The following CCDC157 variants were observed in gnomAD, a reference collection of about 807,000 sequenced individuals.
CCDC157 encodes the protein coiled-coil domain containing 157, also known as coiled-coil domain-containing protein 157.
A neutral mutation model predicts 70.9 loss-of-function variants in CCDC157; 60 were observed. The observed-to-expected ratio is 0.85, with a 90% CI of 0.69 to 1.05. The LOEUF (loss-of-function observed/expected upper bound fraction) is 1.05. Ranked by LOEUF, CCDC157 falls within the 50% of genes least tolerant of loss-of-function variation. CCDC157 has a pLI of 0.00. For missense variants in CCDC157, 943 were observed against 984.2 expected, an observed-to-expected ratio of 0.96 and a Z score of 0.56; for synonymous variants, 373 against 422.4, an observed-to-expected ratio of 0.88 and a Z score of 1.43.
At chr22:30,362,214 T>C (rs1308173541) in intron 2 of CCDC157, 100 bp downstream of exon 2, 1 of 152,264 alleles carries the variant, frequency 6.6e-6, no homozygotes, top group East Asian at 1.9e-4. Flanking sequence ...TGGCCCTTAG[T>C]CCTCTCAGCC....
In CCDC157 at chr22:30,372,630, G is replaced by A. The variant is rs986297850; in HGVS notation, c.1335+344G>A. 1.7e-5 allele frequency: 4 copies of A among 232,126 alleles called. No individual in the cohort carries two copies. The South Asian group carries it at 4.4e-4, about 25-fold the overall frequency. The allele number at this position is 232,126 out of a possible 1,614,324, so 14.4% of individuals were successfully genotyped here. Reference sequence around the variant, plus strand: ...TCCAGAATGGCTTCTAGGAGGAGGTGGCCTTTGAGCTGGACGCCCATGACA... The same window carrying A: ...TCCAGAATGGCTTCTAGGAGGAGGTAGCCTTTGAGCTGGACGCCCATGACA... On this transcript the variant is annotated intron_variant, in intron 7 of 11. Transcript: ENST00000338306.
upstream of CCDC157, chr22:30,356,859 C>T: frequency 1.6e-6 from 2 of 1,243,308 alleles, no homozygotes; most frequent in Non-Finnish European, 2.0e-6. Context: ...AAGACAGCCT[C>T]CCCGCTCGGT....
chr22:30,378,192 TTCAA>T lies in CCDC157; in HGVS notation c.*1448_*1451del, dbSNP rs763105533. On this transcript the variant is annotated 3_prime_UTR_variant, in exon 12 of 12. Coordinates refer to ENST00000338306, the MANE Select transcript of CCDC157 (RefSeq NM_001017437.5). Reference sequence around the variant, plus strand: ...CTCATGTGCTGAATCCCCCACATGCTTCAAATCCCTGACTTCCTCCTCTTCTACC... The same window carrying T: ...CTCATGTGCTGAATCCCCCACATGCTATCCCTGACTTCCTCCTCTTCTACC... The T allele has an allele frequency of 1.5e-5, 7 of 470,306 alleles. No homozygotes were observed. Among genetic ancestry groups the T allele is most frequent in the African/African-American group, 8.0e-5 (4 of 50,074 alleles). The allele number at this position is 470,306 out of a possible 1,614,324, so 29.1% of individuals were successfully genotyped here.
intron 5 of CCDC157, chr22:30,371,224 C>T (rs1932925709): frequency 3.7e-6 from 2 of 542,250 alleles, no homozygotes; most frequent in East Asian, 3.1e-5. Context: ...AGGTATGTAT[C>T]CACTTGCACT....
chr22:30,372,807 AG>A (rs1165599069), intron 7 of CCDC157: 6 of 155,488 alleles, frequency 3.9e-5, no homozygotes, highest in African/African-American at 1.4e-4. Context: ...TGAAAGGGGC[AG>A]GTCTGGGGGC....
upstream of CCDC157, chr22:30,356,805 C>A: frequency 7.4e-7 from 1 of 1,357,064 alleles, no homozygotes; most frequent in Non-Finnish European, 9.6e-7. Context: ...CTGCGACGCT[C>A]AGGGCTGCCA....
intron 2 of CCDC157, among the ~76,000 whole-genome samples, chr22:30,365,145 G>A (rs1932635078): frequency 1.3e-5 from 2 of 152,162 alleles, no homozygotes; most frequent in Admixed American, 1.3e-4. Context: ...CAGCATGGAG[G>A]GTACTCAGGG....
At chr22:30,364,446 C>T (rs1932578908) in intron 2 of CCDC157, among the ~76,000 whole-genome samples, 2 of 152,090 alleles carry the variant, frequency 1.3e-5, no homozygotes, top group African/African-American at 2.4e-5. Flanking sequence ...TTAAATAATC[C>T]TGAAACTATG....
chr22:30,372,219 T>A lies in CCDC157; in HGVS notation c.1268T>A (p.Val423Asp), dbSNP rs1236829464. The change falls in exon 7 of 12, where the codon GTC becomes GAC. Residue 423 changes from valine to aspartate, a missense_variant. Transcript: ENST00000338306. Reference protein sequence around the residue: ...VGRLEGAGQQVCWASTELDKE... With the variant: ...VGRLEGAGQQDCWASTELDKE... Reference sequence around the variant, plus strand: ...CGGCTGGAGGGCGCTGGCCAGCAGGTCTGCTGGGCCAGCACGGAGCTGGAT... The same window carrying A: ...CGGCTGGAGGGCGCTGGCCAGCAGGACTGCTGGGCCAGCACGGAGCTGGAT... 15 of 1,595,340 alleles carry A rather than the reference T, an allele frequency of 9.4e-6. No individual in the cohort carries two copies. The East Asian group carries it at 3.2e-4, about 34-fold the overall frequency.
rs73406437 is a variant in CCDC157, at chr22:30,358,550, A to G, written c.-166+1418A>G. Among the ~76,000 whole-genome samples, 1,484 of 152,240 alleles carry G rather than the reference A, an allele frequency of 9.7e-3. 22 individuals are homozygous for G. The highest frequency in any genetic ancestry group is 0.034 in the African/African-American group (1,393 of 41,538). ...TGGTTTTAGAGTTTCCCGTGTTTTC[A>G]TGGTGGTGGCTTTGAATCTCACCAG... is the stretch of plus-strand genomic sequence containing the variant. On this transcript the variant is annotated intron_variant, in intron 1 of 11. Coordinates refer to ENST00000338306, the MANE Select transcript of CCDC157 (RefSeq NM_001017437.5).
Position 30,376,319 on chromosome 22 carries a change from C to G in CCDC157, c.1918C>G (p.Pro640Ala), listed in dbSNP as rs772014533. Residue 640 changes from proline (P) to alanine (A), a missense_variant, in exon 11 of 12, where the codon CCA becomes GCA. By Grantham distance (27) the Pro-to-Ala change is conservative (BLOSUM62 -1). Transcript: ENST00000338306. ...CAAGGGAACCCAGGGAGCAACACCA[C>G]CAGTCCAGGCCAAGAGCACATCCCC... ...SSKGTQGATP[P>A]VQAKSTSPGP... is the part of the protein sequence containing the mutation. 1 of 1,613,858 alleles carries G rather than the reference C, an allele frequency of 6.2e-7. No individual in the cohort carries two copies. Among genetic ancestry groups the G allele is most frequent in the Non-Finnish European group, 8.5e-7 (1 of 1,179,936 alleles).
chr22:30,376,239 C>A lies in CCDC157; in HGVS notation c.1858-20C>A. 1 of 1,451,428 alleles carries A rather than the reference C, an allele frequency of 6.9e-7. No homozygotes were observed. Among genetic ancestry groups the A allele is most frequent in the Admixed American group, 1.9e-5 (1 of 52,580 alleles). 89.9% of individuals were successfully genotyped at this position (1,451,428 alleles called of 1,614,324 possible). A position where few individuals can be genotyped will look rare whatever the true frequency, so the allele number is the denominator to read the frequency against. On this transcript the variant is annotated intron_variant, in intron 10 of 11. Transcript: ENST00000338306. ...GACTCCTGGGCCCTTATAAGACTGG[C>A]TTTTTTTTTTTTTTTGTAGCTGATC...
At chr22:30,369,991 T>C in intron 4 of CCDC157, 1 of 484,314 alleles carries the variant, frequency 2.1e-6, no homozygotes, top group Non-Finnish European at 3.7e-6. Context: ...CTGAGAGTGG[T>C]TATGGTGACA....
At position 30,375,463 on chromosome 22, in the gene CCDC157, G is replaced by A; in HGVS notation, c.1673-16G>A. 6.2e-7 allele frequency: 1 copy of A among 1,613,830 alleles called. No individual in the cohort carries two copies. Among genetic ancestry groups the A allele is most frequent in the East Asian group, 2.2e-5 (1 of 44,876 alleles). ...TGGTGTGCCTCCCTTCTAAGGTCCT[G>A]TCCCATTGGGCACAGGAGGCAGATC... On this transcript the variant is annotated splice_polypyrimidine_tract_variant and intron_variant, in intron 9 of 11. Coordinates refer to ENST00000338306, the MANE Select transcript of CCDC157 (RefSeq NM_001017437.5).
rs774392880 is a variant in CCDC157 at position 30,370,947 on chromosome 22, A to G, written c.1042A>G (p.Thr348Ala). Residue 348 changes from threonine (T) to alanine (A), a missense_variant, in exon 5 of 12, where the codon ACA (threonine) becomes GCA (alanine). Coordinates refer to ENST00000338306, the MANE Select transcript of CCDC157 (RefSeq NM_001017437.5). ...EWEHDKQQLL[T>A]ETSDLKTKMA... ...GGAGCACGACAAACAGCAGCTGCTCACAGGTCTGTGCCCCAGAGGCCAGAC... is the reference window on the plus strand; with the variant it reads ...GGAGCACGACAAACAGCAGCTGCTCGCAGGTCTGTGCCCCAGAGGCCAGAC... The G allele has an allele frequency of 1.2e-6, 2 of 1,606,970 alleles. No individual in the cohort carries two copies. The highest frequency in any genetic ancestry group is 8.5e-7 in the Non-Finnish European group (1 of 1,177,934).
Position 30,377,046 on chromosome 22 carries a change from G to C in CCDC157, c.*301G>C. ...AGGAAGCTCCTAAGACCTGGGCCAGGTGAAGGTCCGTTTTTCTATCCCCAG... is the reference window on the plus strand; with the variant it reads ...AGGAAGCTCCTAAGACCTGGGCCAGCTGAAGGTCCGTTTTTCTATCCCCAG... On this transcript the variant is annotated 3_prime_UTR_variant, in exon 12 of 12. Coordinates refer to ENST00000338306, the MANE Select transcript of CCDC157 (RefSeq NM_001017437.5). The C allele has an allele frequency of 2.2e-6, 1 of 456,134 alleles. No individual in the cohort carries two copies. The highest frequency in any genetic ancestry group is 3.1e-5 in the South Asian group (1 of 32,638). The allele number at this position is 456,134 out of a possible 1,614,324, so 28.3% of individuals were successfully genotyped here.
At chr22:30,366,424 T>C in intron 3 of CCDC157, 176 bp downstream of exon 3, 2 of 724,802 alleles carry the variant, frequency 2.8e-6, no homozygotes, top group Non-Finnish European at 4.7e-6. Flanking sequence ...CCTTTTATCA[T>C]GTGTCTTGTG....
chr22:30,369,592 C>T lies in CCDC157; in HGVS notation c.409C>T (p.Pro137Ser). 1 of 1,561,902 alleles carries T rather than the reference C, an allele frequency of 6.4e-7. No homozygotes were observed. The change falls in exon 4 of 12, where the codon CCA (proline) becomes TCA (serine). Residue 137 changes from proline (P) to serine (S), a missense_variant. Pro to Ser is a moderately conservative substitution (Grantham distance 74). Transcript: ENST00000338306. The part of the protein sequence containing the change: ...LLRLGTLHQQ[P>S]LPQKGANQRE... The stretch of plus-strand genomic sequence containing the variant: ...GAGGCTGGGCACGCTCCACCAGCAG[C>T]CACTCCCCCAGGTGGGTCCCAGCCT...
At position 30,376,974 on chromosome 22, in the gene CCDC157, T is replaced by G; in HGVS notation, c.*229T>G. Reference sequence around the variant, plus strand: ...CCCTCAGTAAAAGGGGCCTTCCTGCTTCCCTCCCGACAGAGGCTGTGGGAT... The same window carrying G: ...CCCTCAGTAAAAGGGGCCTTCCTGCGTCCCTCCCGACAGAGGCTGTGGGAT... On this transcript the variant is annotated 3_prime_UTR_variant, in exon 12 of 12. Coordinates refer to ENST00000338306, the MANE Select transcript of CCDC157 (RefSeq NM_001017437.5). 5 of 580,158 alleles carry G rather than the reference T, an allele frequency of 8.6e-6. No individual in the cohort carries two copies. Among genetic ancestry groups the G allele is most frequent in the Admixed American group, 3.0e-5 (1 of 33,330 alleles). 35.9% of individuals were successfully genotyped at this position (580,158 alleles called of 1,614,324 possible).
Sources: allele counts gnomAD v4.1 joint callset (sites outside exome capture counted in the v4.1 genomes callset), GRCh38; gene constraint gnomAD v4.1.1; transcripts MANE v1.5; gene names NCBI Gene and HGNC (gene_info 2026-07-23, HGNC 2026-07-21).